Variants in FAM53A observed in about 807,000 individuals in gnomAD.
The protein encoded by FAM53A is family with sequence similarity 53 member A, also known as protein FAM53A.
FAM53A carries 28 observed loss-of-function variants against 26.6 expected under a neutral mutation model. The observed-to-expected ratio is 1.05, with a 90% confidence interval of 0.78 to 1.45. The LOEUF is 1.45. Ranked by LOEUF, FAM53A falls within the 40% of genes most tolerant of loss-of-function variation. FAM53A has a pLI of 0.00. For synonymous variants in FAM53A, 290 were observed against 253.1 expected (o/e 1.15, Z -1.38); for missense variants, 650 against 575.8 (o/e 1.13, Z -1.32).
chr4:1,673,506 G>T (rs1421742604), intron 1 of FAM53A, among the ~76,000 whole-genome samples: 1 of 152,232 alleles, frequency 6.6e-6, no homozygotes, highest in Non-Finnish European at 1.5e-5. Context: ...GGCCGAGGAG[G>T]GTAGATCAGG....
At chr4:1,670,371 G>A (rs907619852) in intron 1 of FAM53A, among the ~76,000 whole-genome samples, 4 of 152,226 alleles carry the variant, frequency 2.6e-5, no homozygotes, top group African/African-American at 9.7e-5. Context: ...ACACAGCAGC[G>A]ACGCGCACAG....
chr4:1,645,478 T>C (rs1712157988), intron 4 of FAM53A, among the ~76,000 whole-genome samples: 1 of 152,226 alleles, frequency 6.6e-6, no homozygotes, highest in Non-Finnish European at 1.5e-5. Context: ...TCAGACAACC[T>C]GCTCGGGCTG....
intron 1 of FAM53A, among the ~76,000 whole-genome samples, chr4:1,629,125 A>AG (rs1198703955): frequency 6.6e-6 from 1 of 151,970 alleles, no homozygotes; most frequent in Non-Finnish European, 1.5e-5. Flanking sequence ...TACCTCGCCC[A>AG]GCCCAGCTGG....
chr4:1,644,158 C>T (rs1404697596), intron 4 of FAM53A: 1 of 1,531,738 alleles, frequency 6.5e-7, no homozygotes, highest in Non-Finnish European at 8.7e-7. Flanking sequence ...CTGCACTACA[C>T]ACGCACCGGG....
the FAM53A span, among the ~76,000 whole-genome samples, chr4:1,575,831 G>A: frequency 1.3e-5 from 2 of 152,132 alleles, no homozygotes; most frequent in East Asian, 1.9e-4. Flanking sequence ...CTGATAAGGG[G>A]TGGGAAGGGA....
At chr4:1,654,581 C>A (rs1359402628) in intron 4 of FAM53A, among the ~76,000 whole-genome samples, 1 of 152,254 alleles carries the variant, frequency 6.6e-6, no homozygotes, top group East Asian at 1.9e-4. Flanking sequence ...TCGAATGGGG[C>A]TCCCAGGACA....
intron 4 of FAM53A, among the ~76,000 whole-genome samples, chr4:1,646,368 G>A (rs1712249423): frequency 6.6e-6 from 1 of 152,154 alleles, no homozygotes; most frequent in Admixed American, 6.5e-5. Flanking sequence ...CAAAGTGCTG[G>A]GATTACAGGC....
the FAM53A span, among the ~76,000 whole-genome samples, chr4:1,594,268 G>A: frequency 6.6e-6 from 1 of 152,232 alleles, no homozygotes; most frequent in African/African-American, 2.4e-5. Context: ...CCAGGTCAGG[G>A]CTCAGCCTGG....
chr4:1,637,320 G>A (rs937877079), downstream of FAM53A, among the ~76,000 whole-genome samples: 4 of 152,196 alleles, frequency 2.6e-5, no homozygotes, highest in African/African-American at 4.8e-5. Context: ...GCCACCCCAC[G>A]CTGCCAGGGA....
At chr4:1,633,617 T>G (rs1715711586) in intron 1 of FAM53A, among the ~76,000 whole-genome samples, 1 of 151,802 alleles carries the variant, frequency 6.6e-6, no homozygotes, top group Non-Finnish European at 1.5e-5. Flanking sequence ...GAAGAATGGG[T>G]GAGCCCATCA....
chr4:1,680,283 C>A lies in FAM53A; in HGVS notation c.-165+3950G>T, dbSNP rs150227456. On this transcript the variant is annotated intron_variant, in intron 1 of 4. Coordinates refer to ENST00000308132, the MANE Select transcript of FAM53A (RefSeq NM_001174070.3). ...TCGGTGAGCCGAGATCGCACCATTG[C>A]ACTCCAGCCTGGGCAACGAGAGTGA... Among the ~76,000 whole-genome samples the A allele has an allele frequency of 8.0e-3, 1,131 of 142,162 alleles. 19 individuals are homozygous for A. Among genetic ancestry groups the A allele is most frequent in the African/African-American group, 0.028 (1,052 of 37,544 alleles). 93.3% of individuals were successfully genotyped at this position (142,162 alleles called of 152,430 possible). A position where few individuals can be genotyped will look rare whatever the true frequency, so the allele number is the denominator to read the frequency against.
At chr4:1,658,754 C>T (rs753253057) in intron 2 of FAM53A, among the ~76,000 whole-genome samples, 1 of 152,238 alleles carries the variant, frequency 6.6e-6, no homozygotes, top group Admixed American at 6.5e-5. Flanking sequence ...CCCGTGCAGG[C>T]GGGACACAGG....
the FAM53A span, among the ~76,000 whole-genome samples, chr4:1,597,540 C>A: frequency 6.6e-6 from 1 of 152,218 alleles, no homozygotes; most frequent in African/African-American, 2.4e-5. Context: ...GACCCCCAGC[C>A]CCTCCCTCAG....
At chr4:1,593,577 G>C in the FAM53A span, among the ~76,000 whole-genome samples, 1 of 152,188 alleles carries the variant, frequency 6.6e-6, no homozygotes, top group Non-Finnish European at 1.5e-5. Flanking sequence ...CGGGATGAGG[G>C]ATGGCGTCAT....
In FAM53A at chr4:1,639,988, C is replaced by T. The variant is rs557390204; in HGVS notation, c.*1305G>A. On this transcript the variant is annotated 3_prime_UTR_variant, in exon 5 of 5. Transcript: ENST00000308132. ...GCCTTGTCTGGTTCTGAGCCAGAGA[C>T]CAGAGGCCTGAGGCGCAGCCAGGCC... The T allele has an allele frequency of 2.0e-5, 3 of 152,372 alleles. No homozygotes were observed. The highest frequency in any genetic ancestry group is 7.2e-5 in the African/African-American group (3 of 41,582). The allele number at this position is 152,372 out of a possible 1,614,324, so 9.4% of individuals were successfully genotyped here. A position where few individuals can be genotyped will look rare whatever the true frequency, so the allele number is the denominator to read the frequency against.
chr4:1,602,620 G>A, the FAM53A span, among the ~76,000 whole-genome samples: 6 of 152,200 alleles, frequency 3.9e-5, no homozygotes, highest in African/African-American at 1.4e-4. Context: ...CTTCAAAGCT[G>A]GGGGGAGAGA....
rs570111439 is a variant in FAM53A, at chr4:1,626,077, T to C, written c.432-7966A>G. On this transcript the variant is annotated intron_variant, in intron 1 of 1. Coordinates refer to the FAM53A transcript ENST00000489029. ...GCCTGCCAGGGTGCAGGGGAAGTGG[T>C]GTGAGCCCCTGCCGTCCTTCTGGGC... 5.0e-3 allele frequency among the ~76,000 whole-genome samples: 755 copies of C among 152,220 alleles called. 11 individuals carry two copies. Among genetic ancestry groups the C allele is most frequent in the African/African-American group, 0.017 (692 of 41,528 alleles).
intron 2 of FAM53A, among the ~76,000 whole-genome samples, chr4:1,663,606 A>C (rs988909142): frequency 6.6e-6 from 1 of 152,278 alleles, no homozygotes; most frequent in Admixed American, 6.5e-5. Context: ...GGCAGCCACC[A>C]GCCACCCAGA....
At chr4:1,635,055 T>C (rs953730600), downstream of FAM53A, among the ~76,000 whole-genome samples, 5 of 152,330 alleles carry the variant, frequency 3.3e-5, no homozygotes, top group Admixed American at 2.0e-4. Context: ...TTCCAGGAAT[T>C]TGTCTGTTTC....
Sources: allele counts gnomAD v4.1 joint callset (sites outside exome capture counted in the v4.1 genomes callset), GRCh38; gene constraint gnomAD v4.1.1; transcripts MANE v1.5; gene names NCBI Gene and HGNC (gene_info 2026-07-23, HGNC 2026-07-21).